PDGFRA: variants seen among roughly 807,000 people sequenced by gnomAD.
The protein encoded by PDGFRA is platelet derived growth factor receptor alpha.
In PDGFRA, 25 loss-of-function variants were observed where a neutral mutation model predicts 121.5. The observed-to-expected ratio is 0.21, with a 90% CI of 0.15 to 0.29. The LOEUF is 0.29. PDGFRA is among the 10% of genes least tolerant of loss of function. The pLI, the probability that PDGFRA is intolerant of heterozygous loss-of-function variation, is 1.00. For synonymous variants in PDGFRA, 463 were observed against 494.8 expected, an observed-to-expected ratio of 0.94 and a Z score of 0.85; for missense variants, 1,008 against 1,345.1, an observed-to-expected ratio of 0.75 and a Z score of 3.92.
chr4:54,267,002 T>C (rs1030193959), intron 5 of PDGFRA, among the ~76,000 whole-genome samples: 3 of 152,102 alleles, frequency 2.0e-5, no homozygotes, highest in African/African-American at 7.2e-5. Flanking sequence ...AAAAACAAAA[T>C]AAAAAATCTC....
intron 22 of PDGFRA, 42 bp downstream of exon 22, chr4:54,290,596 C>A (rs771848974): frequency 1.2e-6 from 2 of 1,611,490 alleles, no homozygotes; most frequent in Admixed American, 1.7e-5. Context: ...TTTCCCCTCC[C>A]CTATAGGCCC....
intron 15 of PDGFRA, among the ~76,000 whole-genome samples, chr4:54,279,728 C>G (rs1723960688): frequency 6.6e-6 from 1 of 152,184 alleles, no homozygotes; most frequent in South Asian, 2.1e-4. Flanking sequence ...CCCGAGTCCC[C>G]AAGTCCATTG....
chr4:54,287,076 T>C (rs1413307574), intron 18 of PDGFRA, among the ~76,000 whole-genome samples: 1 of 152,196 alleles, frequency 6.6e-6, no homozygotes, highest in Non-Finnish European at 1.5e-5. Context: ...TCATAGATCA[T>C]TGGATCTGTT....
chr4:54,256,684 G>C (rs1295304682), intron 1 of PDGFRA, among the ~76,000 whole-genome samples: 1 of 151,918 alleles, frequency 6.6e-6, no homozygotes, highest in Non-Finnish European at 1.5e-5. Context: ...AAATGAGCTG[G>C]GTGTGGTGGT....
chr4:54,233,166 C>A (rs1720792693), intron 1 of PDGFRA, among the ~76,000 whole-genome samples: 1 of 150,938 alleles, frequency 6.6e-6, no homozygotes, highest in Non-Finnish European at 1.5e-5. Flanking sequence ...CTCTGAGGTT[C>A]AGAGCGCGGC....
chr4:54,271,686 C>T (rs547426405), intron 8 of PDGFRA, among the ~76,000 whole-genome samples: 11 of 149,640 alleles, frequency 7.4e-5, no homozygotes, highest in Admixed American at 1.3e-4. Flanking sequence ...TTCCCTCCCT[C>T]CTTTGTTCTC....
chr4:54,274,960 T>C lies in PDGFRA; in HGVS notation c.1773T>C (p.Asp591=), dbSNP rs2110300729. The change falls in exon 12 of 23, where the codon GAT becomes GAC. Residue 591 remains aspartate (D), a synonymous_variant. Coordinates refer to ENST00000257290, the MANE Select transcript of PDGFRA (RefSeq NM_006206.6). The stretch of plus-strand genomic sequence containing the variant: ...ACTCAAGATGGGAGTTTCCAAGAGA[T>C]GGACTAGTGCTTGGTAAGTTCCATG... ...PYDSRWEFPR[D]GLVLGRVLGS... The C allele has an allele frequency of 1.2e-6, 2 of 1,614,172 alleles. No homozygotes were observed. The highest frequency in any genetic ancestry group is 1.7e-6 in the Non-Finnish European group (2 of 1,180,004).
At chr4:54,245,586 C>T (rs1276624079) in intron 1 of PDGFRA, among the ~76,000 whole-genome samples, 1 of 152,038 alleles carries the variant, frequency 6.6e-6, no homozygotes, top group African/African-American at 2.4e-5. Context: ...AAAGGAACAA[C>T]CGGTACCAGC....
intron 1 of PDGFRA, among the ~76,000 whole-genome samples, chr4:54,248,080 G>C (rs927611155): frequency 2.8e-4 from 42 of 152,254 alleles, no homozygotes; most frequent in Non-Finnish European, 4.9e-4. Flanking sequence ...ACAAACAAAT[G>C]GAAGACCATT....
At chr4:54,235,643 G>A (rs1300498887) in intron 1 of PDGFRA, among the ~76,000 whole-genome samples, 1 of 152,166 alleles carries the variant, frequency 6.6e-6, no homozygotes, top group African/African-American at 2.4e-5. Context: ...CTGCTGGTGT[G>A]GGCTGAATCA....
intron 1 of PDGFRA, among the ~76,000 whole-genome samples, chr4:54,231,024 G>A (rs961403340): frequency 6.6e-6 from 1 of 152,220 alleles, no homozygotes; most frequent in Non-Finnish European, 1.5e-5. Flanking sequence ...CCAGGTGTGC[G>A]AGAGCTGCCG....
intron 1 of PDGFRA, among the ~76,000 whole-genome samples, chr4:54,248,240 A>C (rs2110208850): frequency 6.6e-6 from 1 of 152,358 alleles, no homozygotes; most frequent in Admixed American, 6.5e-5. Context: ...GGAACCAAAA[A>C]AGAGCCCGCA....
rs751605564 is a variant in PDGFRA at position 54,281,787 on chromosome 4, C to G, written c.2323+1305C>G. The G allele has an allele frequency of 7.6e-4, 999 of 1,314,394 alleles. 1 individual carries two copies. Among genetic ancestry groups the G allele is most frequent in the Middle Eastern group, 1.2e-3 (5 of 4,024 alleles). 81.4% of individuals were successfully genotyped at this position (1,314,394 alleles called of 1,614,324 possible). ...TAAATTGCCTTCTTCCTCGAAAACC[C>G]TGGGACCCTTCCAGATGGGACTAAC... is the stretch of plus-strand genomic sequence containing the variant. On this transcript the variant is annotated intron_variant, in intron 16 of 22. Transcript: ENST00000257290.
At chr4:54,284,105 G>A (rs912756417) in intron 16 of PDGFRA, among the ~76,000 whole-genome samples, 6 of 152,162 alleles carry the variant, frequency 3.9e-5, no homozygotes, top group African/African-American at 1.4e-4. Context: ...CAAGTTCTTT[G>A]CTGAAGCTTA....
At chr4:54,274,055 G>T (rs1207382500) in intron 10 of PDGFRA, among the ~76,000 whole-genome samples, 2 of 152,292 alleles carry the variant, frequency 1.3e-5, no homozygotes, top group South Asian at 4.1e-4. Flanking sequence ...TATAGCTACA[G>T]TCTCTACTTT....
At chr4:54,260,574 ATTT>A (rs1310335617) in intron 2 of PDGFRA, among the ~76,000 whole-genome samples, 1 of 150,892 alleles carries the variant, frequency 6.6e-6, no homozygotes, top group Non-Finnish European at 1.5e-5. Flanking sequence ...TAATTTTTTT[ATTT>A]TTTTATTTTT....
rs539943694 is a variant in PDGFRA at position 54,255,136 on chromosome 4, C to A, written c.-12-3621C>A. Among the ~76,000 whole-genome samples the A allele has an allele frequency of 3.3e-5, 5 of 152,322 alleles. No individual in the cohort carries two copies. In the East Asian group the frequency reaches 9.7e-4, roughly 29 times the overall value. ...GTGTGACCTTGGGTCATTTGCGAAACCTCTCTGAGCCTCAACTGCCCCTTC... is the reference window on the plus strand; with the variant it reads ...GTGTGACCTTGGGTCATTTGCGAAAACTCTCTGAGCCTCAACTGCCCCTTC... On this transcript the variant is annotated intron_variant, in intron 1 of 22. Transcript: ENST00000257290.
In PDGFRA at chr4:54,240,865, C is replaced by T. The variant is rs566407149; in HGVS notation, c.-13+11450C>T. ...TATCTTTTATAAAATAGTGCGTTTG[C>T]GTTCCTACATTATGGCTAGAGCTCA... On this transcript the variant is annotated intron_variant, in intron 1 of 22. Transcript: ENST00000257290. Among the ~76,000 whole-genome samples the T allele has an allele frequency of 3.9e-5, 6 of 152,284 alleles. 1 individual carries two copies. The highest frequency in any genetic ancestry group is 4.1e-4 in the South Asian group (2 of 4,820).
At chr4:54,272,828 A>G (rs1723478527) in intron 9 of PDGFRA, among the ~76,000 whole-genome samples, 1 of 152,202 alleles carries the variant, frequency 6.6e-6, no homozygotes, top group Non-Finnish European at 1.5e-5. Flanking sequence ...GCATGTAAAC[A>G]TAAATGTGAC....
Sources: allele counts gnomAD v4.1 joint callset (sites outside exome capture counted in the v4.1 genomes callset), GRCh38; gene constraint gnomAD v4.1.1; transcripts MANE v1.5; gene names NCBI Gene and HGNC (gene_info 2026-07-23, HGNC 2026-07-21).